Variants in NCAM2 observed in about 807,000 individuals in gnomAD.
NCAM2 encodes neural cell adhesion molecule 2.
A neutral mutation model predicts 98.1 loss-of-function variants in NCAM2; 30 were observed. The ratio of observed to expected loss-of-function variants is 0.31; its 90% CI spans 0.23 to 0.41. The LOEUF is 0.41. NCAM2 is among the 10% of genes least tolerant of loss of function. The pLI is 1.00. For missense variants in NCAM2, 867 were observed against 1,005.8 expected (o/e 0.86, Z 1.87); for synonymous variants, 368 against 342.4 (o/e 1.07, Z -0.83).
At chr21:21,001,363 A>G (rs1158295982) in intron 1 of NCAM2, among the ~76,000 whole-genome samples, 1 of 152,194 alleles carries the variant, frequency 6.6e-6, no homozygotes, top group Non-Finnish European at 1.5e-5. Flanking sequence ...TTAATGTATA[A>G]TGAAGTAAGG....
intron 15 of NCAM2, among the ~76,000 whole-genome samples, chr21:21,497,141 T>G (rs1987298362): frequency 6.6e-6 from 1 of 152,124 alleles, no homozygotes. Context: ...TTCTCACTTA[T>G]AACTGGGAGC....
chr21:21,285,296 A>G (rs899557422), intron 3 of NCAM2, among the ~76,000 whole-genome samples: 1 of 151,776 alleles, frequency 6.6e-6, no homozygotes, highest in Non-Finnish European at 1.5e-5. Context: ...TTTGTTTGTT[A>G]TTCTAGAAAT....
intron 1 of NCAM2, among the ~76,000 whole-genome samples, chr21:21,240,019 C>A (rs191383701): frequency 9.5e-4 from 144 of 152,196 alleles, no homozygotes; most frequent in African/African-American, 3.3e-3. Flanking sequence ...AGCTTATACA[C>A]ACATACACAA....
intron 1 of NCAM2, among the ~76,000 whole-genome samples, chr21:21,184,154 G>T (rs967511358): frequency 6.6e-6 from 1 of 151,900 alleles, no homozygotes; most frequent in Non-Finnish European, 1.5e-5. Context: ...AATTATATAC[G>T]ATGGTTTGAA....
chr21:21,531,123 G>A (rs1018881544), intron 16 of NCAM2, among the ~76,000 whole-genome samples: 1 of 151,956 alleles, frequency 6.6e-6, no homozygotes, highest in Non-Finnish European at 1.5e-5. Flanking sequence ...CACTTTCATA[G>A]AGTTATTTAA....
chr21:21,379,434 C>G, intron 9 of NCAM2, among the ~76,000 whole-genome samples: 1 of 152,062 alleles, frequency 6.6e-6, no homozygotes, highest in East Asian at 1.9e-4. Flanking sequence ...TTTAACGGAA[C>G]CCCCCAATAT....
chr21:21,343,398 C>A (rs2075102418), intron 8 of NCAM2, among the ~76,000 whole-genome samples: 1 of 148,726 alleles, frequency 6.7e-6, no homozygotes, highest in African/African-American at 2.5e-5. Flanking sequence ...CACACACAAT[C>A]TTCATGAGAA....
At chr21:21,125,489 T>C (rs1402862041) in intron 1 of NCAM2, among the ~76,000 whole-genome samples, 3 of 5,984 alleles carry the variant, frequency 5.0e-4, no homozygotes, top group African/African-American at 8.9e-4. Flanking sequence ...TATATAGATA[T>C]ATATGTAATA....
chr21:21,473,020 A>G (rs1012051485), intron 14 of NCAM2, among the ~76,000 whole-genome samples: 2 of 151,608 alleles, frequency 1.3e-5, no homozygotes, highest in African/African-American at 4.8e-5. Context: ...ACACACGTAT[A>G]TATAATTTTA....
intron 1 of NCAM2, among the ~76,000 whole-genome samples, chr21:21,225,904 G>A (rs146111320): frequency 6.6e-6 from 1 of 151,998 alleles, no homozygotes; most frequent in African/African-American, 2.4e-5. Context: ...ACTCACAACA[G>A]CAAAGACATG....
intron 1 of NCAM2, among the ~76,000 whole-genome samples, chr21:21,201,158 C>T (rs2069205357): frequency 6.6e-6 from 1 of 152,116 alleles, no homozygotes; most frequent in South Asian, 2.1e-4. Context: ...CATCCCATTT[C>T]TTTGCCATAC....
At chr21:21,284,536 A>T in intron 3 of NCAM2, 136 bp downstream of exon 3, 1 of 685,536 alleles carries the variant, frequency 1.5e-6, no homozygotes, top group Admixed American at 2.6e-5. Flanking sequence ...ATGCTTTACC[A>T]GAGTGTATCT....
At chr21:21,081,028 T>TA (rs1286607887) in intron 1 of NCAM2, among the ~76,000 whole-genome samples, 1 of 152,148 alleles carries the variant, frequency 6.6e-6, no homozygotes, top group Admixed American at 6.5e-5. Flanking sequence ...TGGAGTTTTA[T>TA]ATGATGGCTT....
chr21:21,244,649 C>T (rs1028761202), intron 1 of NCAM2, among the ~76,000 whole-genome samples: 1 of 151,832 alleles, frequency 6.6e-6, no homozygotes, highest in Non-Finnish European at 1.5e-5. Context: ...GAGATCGAGA[C>T]CATCCTGGCC....
chr21:21,488,815 T>G (rs1011390327), intron 15 of NCAM2, among the ~76,000 whole-genome samples: 5 of 151,968 alleles, frequency 3.3e-5, no homozygotes, highest in Non-Finnish European at 7.4e-5. Context: ...CCTTGTAGTA[T>G]TATGATTTCA....
chr21:21,524,530 CA>C (rs974489712), intron 16 of NCAM2, among the ~76,000 whole-genome samples: 5 of 104,226 alleles, frequency 4.8e-5, no homozygotes, highest in Admixed American at 2.0e-4. Flanking sequence ...AACTCTGTAA[CA>C]AAAAAAAAGG....
Position 20,998,606 on chromosome 21 carries a change from A to G in NCAM2, c.43A>G (p.Ser15Gly), listed in dbSNP as rs768643146. 1.9e-6 allele frequency: 3 copies of G among 1,614,108 alleles called. No homozygotes were observed. Among genetic ancestry groups the G allele is most frequent in the Non-Finnish European group, 1.7e-6 (2 of 1,179,972 alleles). ...CTTCTACCTGCTGGGGTTGCTTGTC[A>G]GTAGCGGGCAAGGTAGGAGTGTGGC... ...LSFYLLGLLVSSGQALLQVTI... is the reference protein window; with the variant it reads ...LSFYLLGLLVGSGQALLQVTI... Residue 15 changes from serine to glycine, a missense_variant, in exon 1 of 18, where the codon AGT becomes GGT. Ser to Gly is a moderately conservative substitution (Grantham distance 56). Coordinates refer to ENST00000400546, the MANE Select transcript of NCAM2 (RefSeq NM_004540.5).
intron 9 of NCAM2, among the ~76,000 whole-genome samples, chr21:21,386,519 A>T (rs1338313677): frequency 1.3e-5 from 2 of 152,216 alleles, no homozygotes; most frequent in Non-Finnish European, 2.9e-5. Context: ...TGGAAAGCAT[A>T]TCTCTTCATC....
chr21:21,490,154 G>A (rs1419190351), intron 15 of NCAM2, among the ~76,000 whole-genome samples: 1 of 151,818 alleles, frequency 6.6e-6, no homozygotes, highest in Non-Finnish European at 1.5e-5. Flanking sequence ...AGCCTGAACT[G>A]TCAGTAAATG....
Sources: gnomAD v4.1 joint callset for allele counts (sites outside exome capture counted in the v4.1 genomes callset) on GRCh38, gnomAD v4.1.1 for gene constraint, MANE v1.5 for transcripts, NCBI Gene and HGNC (gene_info 2026-07-23, HGNC 2026-07-21) for gene names.